Variants in STON1 observed in about 807,000 individuals in gnomAD.
STON1 encodes stonin 1, also known as stonin-1.
In STON1, 79 loss-of-function variants were observed where a neutral mutation model predicts 60.9. That is an observed-to-expected ratio of 1.30 (90% CI 1.08 to 1.56). The LOEUF (loss-of-function observed/expected upper bound fraction) is 1.56, where lower values mean the gene tolerates loss of function less well. STON1 is among the 40% of genes most tolerant of loss of function. The probability of loss-of-function intolerance (pLI) is 0.00; values close to 1 mark genes in which losing one functional copy is unlikely to be tolerated. For synonymous variants in STON1, 363 were observed against 306.9 expected, an observed-to-expected ratio of 1.18 and a Z score of -1.91; for missense variants, 1,166 against 858.9, an observed-to-expected ratio of 1.36 and a Z score of -4.47.
At chr2:48,534,407 G>A (rs1671343927) in intron 1 of STON1, among the ~76,000 whole-genome samples, 1 of 152,160 alleles carries the variant, frequency 6.6e-6, no homozygotes, top group Non-Finnish European at 1.5e-5. Flanking sequence ...TTGAATTCAG[G>A]TCGGTGGCTA....
intron 1 of STON1, among the ~76,000 whole-genome samples, chr2:48,543,823 C>G (rs184842487): frequency 6.6e-6 from 1 of 152,064 alleles, no homozygotes; most frequent in Non-Finnish European, 1.5e-5. Context: ...TGAGCCACCA[C>G]TCCCGACAAC....
intron 1 of STON1, among the ~76,000 whole-genome samples, chr2:48,537,725 C>A (rs1671485690): frequency 6.6e-6 from 1 of 151,728 alleles, no homozygotes; most frequent in African/African-American, 2.4e-5. Context: ...TGACATGCAC[C>A]TGTAATCCCA....
At chr2:48,570,987 C>T (rs62135212) in intron 1 of STON1, among the ~76,000 whole-genome samples, 17,805 of 151,742 alleles carry the variant, frequency 0.12, 1,423 homozygotes, top group Middle Eastern at 0.24. Flanking sequence ...CTCAGCCTCC[C>T]GAGTAGCTGT....
At position 48,562,249 on chromosome 2, in the gene STON1, T is replaced by C. The variant is rs984477900; in HGVS notation, c.-47-18338T>C. Among the ~76,000 whole-genome samples the C allele has an allele frequency of 5.3e-5, 8 of 152,230 alleles. No homozygotes were observed. In the East Asian group the frequency reaches 9.6e-4, roughly 18 times the overall value. On this transcript the variant is annotated intron_variant, in intron 1 of 3. Coordinates refer to ENST00000404752, the MANE Select transcript of STON1 (RefSeq NM_006873.4). Reference sequence around the variant, plus strand: ...TTGCTTGATTAATTAGTTCCTTTCATGTTACACATTTTTCAAATCAGAACA... The same window carrying C: ...TTGCTTGATTAATTAGTTCCTTTCACGTTACACATTTTTCAAATCAGAACA...
At chr2:48,558,094 A>G (rs539980635) in intron 1 of STON1, among the ~76,000 whole-genome samples, 1 of 152,296 alleles carries the variant, frequency 6.6e-6, no homozygotes, top group African/African-American at 2.4e-5. Context: ...TTGGTGGCAC[A>G]TGCCTGTAAT....
intron 1 of STON1, among the ~76,000 whole-genome samples, chr2:48,533,831 G>C (rs6721913): frequency 0.19 from 27,274 of 145,356 alleles, 2,899 homozygotes; most frequent in Admixed American, 0.29. Context: ...GTGCAATGGC[G>C]TGATCTCAGC....
At chr2:48,590,808 A>G (rs1213730293) in intron 2 of STON1, among the ~76,000 whole-genome samples, 2 of 152,170 alleles carry the variant, frequency 1.3e-5, no homozygotes, top group Non-Finnish European at 2.9e-5. Context: ...CAATATGCCC[A>G]TTTCTACTCT....
intron 1 of STON1, among the ~76,000 whole-genome samples, chr2:48,557,185 G>C (rs1672408029): frequency 1.2e-5 from 1 of 83,866 alleles, no homozygotes; most frequent in African/African-American, 4.5e-5. Context: ...AGACGGGGCA[G>C]CTGCCGGGCG....
intron 2 of STON1, among the ~76,000 whole-genome samples, chr2:48,586,423 A>G (rs528640379): frequency 1.2e-4 from 18 of 152,340 alleles, no homozygotes; most frequent in Admixed American, 1.2e-3. Flanking sequence ...ACCCAAATGC[A>G]CTGTGGAAAA....
chr2:48,582,622 T>A, intron 2 of STON1, 59 bp downstream of exon 2: 1 of 1,552,084 alleles, frequency 6.4e-7, no homozygotes. Context: ...ATTCTTACCT[T>A]CCTCCTTGGG....
At chr2:48,541,714 A>G (rs1355715478) in intron 1 of STON1, among the ~76,000 whole-genome samples, 4 of 151,032 alleles carry the variant, frequency 2.6e-5, no homozygotes, top group Admixed American at 1.3e-4. Flanking sequence ...AAAAAAAAAA[A>G]AAAAAAAAAC....
intron 2 of STON1, among the ~76,000 whole-genome samples, chr2:48,590,541 T>C (rs1247131199): frequency 3.3e-5 from 5 of 151,970 alleles, no homozygotes; most frequent in Non-Finnish European, 7.4e-5. Flanking sequence ...ATAGCCACAT[T>C]AGATATGGAG....
In STON1 at chr2:48,540,896, A is replaced by T. The variant is rs536692580; in HGVS notation, c.-48+10680A>T. 1.7e-3 allele frequency among the ~76,000 whole-genome samples: 254 copies of T among 152,292 alleles called. 2 individuals carry two copies. The highest frequency in any genetic ancestry group is 5.8e-3 in the African/African-American group (239 of 41,560). Reference sequence around the variant, plus strand: ...GGAAAAAGCCCCCACACATTTGGTCACAAGAAGTCTTCTGTGTTGGTGATT... The same window carrying T: ...GGAAAAAGCCCCCACACATTTGGTCTCAAGAAGTCTTCTGTGTTGGTGATT... On this transcript the variant is annotated intron_variant, in intron 1 of 3. Coordinates refer to ENST00000404752, the MANE Select transcript of STON1 (RefSeq NM_006873.4).
chr2:48,573,628 A>G (rs1398920357), intron 1 of STON1, among the ~76,000 whole-genome samples: 1 of 152,200 alleles, frequency 6.6e-6, no homozygotes, highest in African/African-American at 2.4e-5. Flanking sequence ...AATTTGTTGT[A>G]TCAGGTTGGG....
chr2:48,569,100 C>G (rs1673074083), intron 1 of STON1: 2 of 152,234 alleles, frequency 1.3e-5, no homozygotes, highest in Admixed American at 6.6e-5. Flanking sequence ...AGTAGCTTAA[C>G]TCCTCCGAAC....
chr2:48,533,765 G>A (rs1372675305), intron 1 of STON1, among the ~76,000 whole-genome samples: 1 of 110,640 alleles, frequency 9.0e-6, no homozygotes, highest in Non-Finnish European at 1.7e-5. Flanking sequence ...AATTACACAG[G>A]ACTTTTTTTT....
chr2:48,590,235 C>T (rs1005991912), intron 2 of STON1, among the ~76,000 whole-genome samples: 1 of 152,174 alleles, frequency 6.6e-6, no homozygotes, highest in African/African-American at 2.4e-5. Context: ...CACTGTTGTC[C>T]TACCCTTCCT....
intron 2 of STON1, among the ~76,000 whole-genome samples, chr2:48,584,933 G>C (rs1156895682): frequency 6.6e-6 from 1 of 152,166 alleles, no homozygotes; most frequent in African/African-American, 2.4e-5. Flanking sequence ...GAGAGACACA[G>C]GCCTAGTGAG....
chr2:48,571,407 G>A (rs531208656), intron 1 of STON1, among the ~76,000 whole-genome samples: 1 of 152,192 alleles, frequency 6.6e-6, no homozygotes, highest in East Asian at 1.9e-4. Context: ...AGAAGCTGTG[G>A]TCTGCTCTGG....
Sources: gnomAD v4.1 joint callset for allele counts (sites outside exome capture counted in the v4.1 genomes callset) on GRCh38, gnomAD v4.1.1 for gene constraint, MANE v1.5 for transcripts, NCBI Gene and HGNC (gene_info 2026-07-23, HGNC 2026-07-21) for gene names.